CCDC170: variants seen among roughly 807,000 people sequenced by gnomAD.
CCDC170 encodes the protein coiled-coil domain containing 170.
CCDC170 carries 69 observed loss-of-function variants against 72.6 expected under a neutral mutation model. That is an observed-to-expected ratio of 0.95 (90% CI 0.78 to 1.16). The LOEUF (loss-of-function observed/expected upper bound fraction) is 1.16, where lower values mean the gene tolerates loss of function less well. Among genes scored for constraint, CCDC170 ranks in the 50% most tolerant of loss-of-function variants. CCDC170 has a pLI of 0.00. For missense variants in CCDC170, 852 were observed against 832.5 expected, an observed-to-expected ratio of 1.02 and a Z score of -0.29; for synonymous variants, 300 against 303.9, an observed-to-expected ratio of 0.99 and a Z score of 0.13.
At chr6:151,514,978 T>A (rs1267241134) in intron 1 of CCDC170, among the ~76,000 whole-genome samples, 1 of 152,198 alleles carries the variant, frequency 6.6e-6, no homozygotes, top group Non-Finnish European at 1.5e-5. Flanking sequence ...TCACACTCAC[T>A]CACCTGGTCT....
In CCDC170 at chr6:151,603,921, G is replaced by A. The variant is rs574715846; in HGVS notation, c.1710+7344G>A. Among the ~76,000 whole-genome samples the A allele has an allele frequency of 3.3e-5, 5 of 152,180 alleles. No individual in the cohort carries two copies. In the South Asian group the frequency reaches 1.0e-3, roughly 32 times the overall value. ...CCCTGGACCTCATTTAAGTGAAGTC[G>A]GTCTGAGAAATGGGTCTTTATTCTG... On this transcript the variant is annotated intron_variant, in intron 9 of 10. Transcript: ENST00000239374.
chr6:151,614,342 G>T (rs578173846), intron 9 of CCDC170, among the ~76,000 whole-genome samples: 1 of 151,936 alleles, frequency 6.6e-6, no homozygotes, highest in African/African-American at 2.4e-5. Flanking sequence ...CCTATTCTAC[G>T]TACTTCATAT....
At chr6:151,558,232 GTTTTTTTTT>G (rs55648936) in intron 5 of CCDC170, among the ~76,000 whole-genome samples, 1 of 70,880 alleles carries the variant, frequency 1.4e-5, no homozygotes, top group South Asian at 5.7e-4. Context: ...TGAGATTAGT[GTTTTTTTTT>G]TTTTTTTTTT....
intron 9 of CCDC170, among the ~76,000 whole-genome samples, chr6:151,605,602 G>A (rs911717385): frequency 4.6e-5 from 7 of 152,200 alleles, no homozygotes; most frequent in African/African-American, 9.6e-5. Flanking sequence ...AGATGTTGGG[G>A]AAGTTGGTTG....
chr6:151,541,985 T>A (rs148435180), intron 3 of CCDC170, among the ~76,000 whole-genome samples: 2,066 of 150,138 alleles, frequency 0.014, 49 homozygotes, highest in African/African-American at 0.048. Context: ...GTTCAAGCAG[T>A]TCTCATGCCT....
chr6:151,504,387 G>C (rs1320450372), intron 1 of CCDC170, among the ~76,000 whole-genome samples: 1 of 152,100 alleles, frequency 6.6e-6, no homozygotes. Context: ...ACTTACAGTT[G>C]AGTTAGGTAA....
intron 1 of CCDC170, among the ~76,000 whole-genome samples, chr6:151,532,824 T>C (rs1001429347): frequency 7.2e-5 from 11 of 152,204 alleles, no homozygotes; most frequent in African/African-American, 2.4e-4. Flanking sequence ...TAGCCAGGGT[T>C]ATTCAGAAAA....
intron 1 of CCDC170, among the ~76,000 whole-genome samples, chr6:151,509,190 T>C (rs1301090260): frequency 1.3e-5 from 2 of 151,420 alleles, no homozygotes; most frequent in Non-Finnish European, 2.9e-5. Flanking sequence ...CTCTCCCCCC[T>C]TTCGCTCTCT....
Position 151,553,153 on chromosome 6 carries a change from G to C in CCDC170, c.774+4664G>C, listed in dbSNP as rs147720359. Among the ~76,000 whole-genome samples the C allele has an allele frequency of 7.3e-4, 111 of 152,222 alleles. 1 individual carries two copies. The highest frequency in any genetic ancestry group is 2.4e-3 in the African/African-American group (101 of 41,546). ...TGAATGGTGCTTAGAAACCAAAATT[G>C]ATGATTTATAAATGCTCATTTATTG... On this transcript the variant is annotated intron_variant, in intron 5 of 10. Coordinates refer to ENST00000239374, the MANE Select transcript of CCDC170 (RefSeq NM_025059.4).
Position 151,615,691 on chromosome 6 carries a change from T to A in CCDC170, c.1947+12T>A. 1 of 1,565,420 alleles carries A rather than the reference T, an allele frequency of 6.4e-7. No homozygotes were observed. Among genetic ancestry groups the A allele is most frequent in the Non-Finnish European group, 8.8e-7 (1 of 1,138,342 alleles). On this transcript the variant is annotated intron_variant, in intron 10 of 10. Transcript: ENST00000239374. The stretch of plus-strand genomic sequence containing the variant: ...AGAGAGAAAAGCAGGTGGGTCTAAA[T>A]CTGGTGATGAAACCTTGTTTAGGAA...
At chr6:151,570,429 T>A (rs1437424279) in intron 5 of CCDC170, among the ~76,000 whole-genome samples, 2 of 152,080 alleles carry the variant, frequency 1.3e-5, no homozygotes, top group Non-Finnish European at 1.5e-5. Context: ...AAAAAGCCAA[T>A]ACAAATAACA....
Position 151,620,701 on chromosome 6 carries a change from T to C in CCDC170, c.*2554T>C, listed in dbSNP as rs1177792541. ...TTGTTTTTGTACATTCTCTTTGTTT[T>C]CATTTTCCAAATATAATCTTTAATA... On this transcript the variant is annotated 3_prime_UTR_variant, in exon 11 of 11. Coordinates refer to ENST00000239374, the MANE Select transcript of CCDC170 (RefSeq NM_025059.4). 6 of 152,326 alleles carry C rather than the reference T, an allele frequency of 3.9e-5. No individual in the cohort carries two copies. In the East Asian group the frequency reaches 7.7e-4, roughly 20 times the overall value. 9.4% of individuals were successfully genotyped at this position (152,326 alleles called of 1,614,324 possible). A position where few individuals can be genotyped will look rare whatever the true frequency, so the allele number is the denominator to read the frequency against.
chr6:151,617,866 T>G, intron 10 of CCDC170, 81 bp from the exon 11 acceptor site: 1 of 1,400,774 alleles, frequency 7.1e-7, no homozygotes, highest in Non-Finnish European at 9.7e-7. Flanking sequence ...TTTCTACAGG[T>G]TTTTTGTTTG....
In CCDC170 at chr6:151,598,089, G is replaced by T. The variant is rs576811881; in HGVS notation, c.1710+1512G>T. Among the ~76,000 whole-genome samples, 8 of 152,292 alleles carry T rather than the reference G, an allele frequency of 5.3e-5. No homozygotes were observed. In the South Asian group the frequency reaches 1.7e-3, roughly 32 times the overall value. On this transcript the variant is annotated intron_variant, in intron 9 of 10. Transcript: ENST00000239374. ...AAGTGTACTTCCTTGGAGAAGGGGAGAACGGGCACCCCCCAGAGAAGGACA... is the reference window on the plus strand; with the variant it reads ...AAGTGTACTTCCTTGGAGAAGGGGATAACGGGCACCCCCCAGAGAAGGACA...
At chr6:151,579,049 C>T (rs974929182) in intron 6 of CCDC170, among the ~76,000 whole-genome samples, 5 of 151,938 alleles carry the variant, frequency 3.3e-5, no homozygotes, top group Admixed American at 6.6e-5. Context: ...AAAAAAAGCA[C>T]AAACAAAAAA....
At chr6:151,574,001 T>G (rs1307926751) in intron 6 of CCDC170, among the ~76,000 whole-genome samples, 2 of 152,176 alleles carry the variant, frequency 1.3e-5, no homozygotes, top group African/African-American at 2.4e-5. Context: ...CCCAGTCCAT[T>G]TGGAGGCCAA....
rs748048183 is a variant in CCDC170 at position 151,494,141 on chromosome 6, T to C, written c.13T>C (p.Cys5Arg). 4 of 1,513,122 alleles carry C rather than the reference T, an allele frequency of 2.6e-6. No individual in the cohort carries two copies. The Admixed American group carries it at 8.5e-5, about 32-fold the overall frequency. 93.7% of individuals were successfully genotyped at this position (1,513,122 alleles called of 1,614,324 possible). A position where few individuals can be genotyped will look rare whatever the true frequency, so the allele number is the denominator to read the frequency against. Residue 5 changes from cysteine (C) to arginine (R), a missense_variant, in exon 1 of 11, where the codon TGC becomes CGC. By Grantham distance (180) the Cys-to-Arg change is radical (BLOSUM62 -3). Coordinates refer to ENST00000239374, the MANE Select transcript of CCDC170 (RefSeq NM_025059.4). Reference sequence around the variant, plus strand: ...GGCTCGGGTCGTCATGAGCCTGGACTGCACCAGCCATATCGCGCTGGGTGC... The same window carrying C: ...GGCTCGGGTCGTCATGAGCCTGGACCGCACCAGCCATATCGCGCTGGGTGC... MSLD[C>R]TSHIALGAAS...
At chr6:151,598,956 G>T (rs1776664824) in intron 9 of CCDC170, among the ~76,000 whole-genome samples, 1 of 152,122 alleles carries the variant, frequency 6.6e-6, no homozygotes, top group African/African-American at 2.4e-5. Context: ...TGACATCTTT[G>T]CTTATAAGGA....
At position 151,583,282 on chromosome 6, in the gene CCDC170, C is replaced by T. The variant is rs193215521; in HGVS notation, c.1093-2607C>T. Among the ~76,000 whole-genome samples, 30 of 148,908 alleles carry T rather than the reference C, an allele frequency of 2.0e-4. No individual in the cohort carries two copies. The East Asian group carries it at 2.6e-3, about 13-fold the overall frequency. The stretch of plus-strand genomic sequence containing the variant: ...TGCTGGGATTACAGGCGTGAGCCAC[C>T]GTGCCTGGCCTGGAGTAGCACTTTT... On this transcript the variant is annotated intron_variant, in intron 6 of 10. Coordinates refer to ENST00000239374, the MANE Select transcript of CCDC170 (RefSeq NM_025059.4).
Sources: gnomAD v4.1 joint callset for allele counts (sites outside exome capture counted in the v4.1 genomes callset) on GRCh38, gnomAD v4.1.1 for gene constraint, MANE v1.5 for transcripts, NCBI Gene and HGNC (gene_info 2026-07-23, HGNC 2026-07-21) for gene names.